Variants in TAAR6 observed in about 807,000 individuals in gnomAD.
TAAR6 encodes the protein trace amine associated receptor 6.
A neutral mutation model predicts 18.4 loss-of-function variants in TAAR6; 15 were observed. That is an observed-to-expected ratio of 0.82 (90% confidence interval 0.55 to 1.26). The LOEUF (loss-of-function observed/expected upper bound fraction) is 1.26, where lower values mean the gene tolerates loss of function less well. TAAR6 is among the 50% of genes most tolerant of loss of function. The pLI, the probability that TAAR6 is intolerant of heterozygous loss-of-function variation, is 0.00. For missense variants in TAAR6, 501 were observed against 415.9 expected, an observed-to-expected ratio of 1.20 and a Z score of -1.78; for synonymous variants, 192 against 162.4, an observed-to-expected ratio of 1.18 and a Z score of -1.39.
rs758020375 is a variant in TAAR6, at chr6:132,570,841, G to T, written c.520G>T (p.Asp174Tyr). The change falls in exon 1 of 1, where the codon GAC becomes TAC. Residue 174 changes from aspartate to tyrosine, a missense_variant. By Grantham distance (160) the Asp-to-Tyr change is radical. Coordinates refer to ENST00000275198, the MANE Select transcript of TAAR6 (RefSeq NM_175067.1). ...SGAVFYTGVY[D>Y]DGLEELSDAL... ...TGCTGTGTTCTACACAGGTGTCTATGACGATGGGCTGGAGGAATTATCTGA... is the reference window on the plus strand; with the variant it reads ...TGCTGTGTTCTACACAGGTGTCTATTACGATGGGCTGGAGGAATTATCTGA... The T allele has an allele frequency of 6.2e-7, 1 of 1,614,174 alleles. No individual in the cohort carries two copies. The highest frequency in any genetic ancestry group is 2.2e-5 in the East Asian group (1 of 44,892).
chr6:132,570,926 A>C lies in TAAR6; in HGVS notation c.605A>C (p.Asp202Ala), dbSNP rs778127557. The C allele has an allele frequency of 6.2e-7, 1 of 1,613,948 alleles. No individual in the cohort carries two copies. Among genetic ancestry groups the C allele is most frequent in the African/African-American group, 1.3e-5 (1 of 74,890 alleles). The change falls in exon 1 of 1, where the codon GAT becomes GCT. Residue 202 changes from aspartate (D) to alanine (A), a missense_variant. Transcript: ENST00000275198. The part of the protein sequence containing the change: ...TVVNQNWVLT[D>A]FLSFFIPTFI... Reference sequence around the variant, plus strand: ...GTAAATCAAAACTGGGTGTTGACAGATTTTCTATCCTTCTTTATACCTACC... The same window carrying C: ...GTAAATCAAAACTGGGTGTTGACAGCTTTTCTATCCTTCTTTATACCTACC...
rs1184834645 is a variant in TAAR6 at position 132,571,097 on chromosome 6, C to T, written c.776C>T (p.Thr259Ile). 6.2e-7 allele frequency: 1 copy of T among 1,613,932 alleles called. No individual in the cohort carries two copies. The highest frequency in any genetic ancestry group is 8.5e-7 in the Non-Finnish European group (1 of 1,179,996). Reference protein sequence around the residue: ...VARRERKAAKTLGVTVVAFMI... With the variant: ...VARRERKAAKILGVTVVAFMI... ...AGGAGAGAGAGAAAAGCAGCTAAAA[C>T]CCTGGGGGTCACAGTGGTAGCATTT... The change falls in exon 1 of 1, where the codon ACC becomes ATC. Residue 259 changes from threonine (T) to isoleucine (I), a missense_variant. By Grantham distance (89) the Thr-to-Ile change is moderately conservative. Transcript: ENST00000275198.
rs200295548 is a variant in TAAR6 at position 132,571,140 on chromosome 6, A to C, written c.819A>C (p.Pro273=). 1.9e-6 allele frequency: 3 copies of C among 1,614,114 alleles called. No individual in the cohort carries two copies. Among genetic ancestry groups the C allele is most frequent in the African/African-American group, 2.7e-5 (2 of 75,058 alleles). ...TAGCATTTATGATTTCATGGTTACC[A>C]TATAGCATTGATTCATTAATTGATG... The part of the protein sequence containing the change: ...TVVAFMISWL[P]YSIDSLIDAF... Residue 273 remains proline, a synonymous_variant, in exon 1 of 1, where the codon CCA becomes CCC. Coordinates refer to ENST00000275198, the MANE Select transcript of TAAR6 (RefSeq NM_175067.1).
rs8192622 is a variant in TAAR6 at position 132,570,399 on chromosome 6, C to T, written c.78C>T (p.Pro26=). Residue 26 remains proline (P), a synonymous_variant, in exon 1 of 1, where the codon CCC becomes CCT. Coordinates refer to ENST00000275198, the MANE Select transcript of TAAR6 (RefSeq NM_175067.1). The stretch of plus-strand genomic sequence containing the variant: ...TGAATGGGTCCTGTGTGAAAATCCC[C>T]TTCTCGCCGGGATCCCGGGTGATTC... The part of the protein sequence containing the change: ...ANVNGSCVKI[P]FSPGSRVILY... 74,945 of 1,614,040 alleles carry T rather than the reference C, an allele frequency of 0.046. 2,001 individuals are homozygous for T. Among genetic ancestry groups the T allele is most frequent in the Non-Finnish European group, 0.053 (62,028 of 1,179,966 alleles).
rs746621875 is a variant in TAAR6 at position 132,570,868 on chromosome 6, G to A, written c.547G>A (p.Ala183Thr). Residue 183 changes from alanine (A) to threonine (T), a missense_variant, in exon 1 of 1, where the codon GCC becomes ACC. Coordinates refer to ENST00000275198, the MANE Select transcript of TAAR6 (RefSeq NM_175067.1). ...YDDGLEELSD[A>T]LNCIGGCQTV... is the part of the protein sequence containing the mutation. ...CGATGGGCTGGAGGAATTATCTGAT[G>A]CCCTAAACTGTATAGGAGGTTGTCA... 1.9e-6 allele frequency: 3 copies of A among 1,614,012 alleles called. No homozygotes were observed. Among genetic ancestry groups the A allele is most frequent in the Non-Finnish European group, 2.5e-6 (3 of 1,179,996 alleles).
Position 132,570,780 on chromosome 6 carries a change from C to T in TAAR6, c.459C>T (p.Ile153=), listed in dbSNP as rs368130988. The change falls in exon 1 of 1, where the codon ATC becomes ATT. Residue 153 remains isoleucine (I), a synonymous_variant. Transcript: ENST00000275198. The part of the protein sequence containing the change: ...KFTVSVSGIC[I]SVSWILPLMY... The stretch of plus-strand genomic sequence containing the variant: ...CCGTATCTGTGTCAGGAATTTGCAT[C>T]AGCGTGTCCTGGATCCTGCCCCTCA... 18 of 1,614,038 alleles carry T rather than the reference C, an allele frequency of 1.1e-5. No homozygotes were observed. Among genetic ancestry groups the T allele is most frequent in the Non-Finnish European group, 1.5e-5 (18 of 1,180,004 alleles).
rs754781633 is a variant in TAAR6, at chr6:132,570,697, A to C, written c.376A>C (p.Ile126Leu). The C allele has an allele frequency of 1.2e-5, 20 of 1,613,802 alleles. No individual in the cohort carries two copies. The highest frequency in any genetic ancestry group is 1.7e-5 in the Non-Finnish European group (20 of 1,179,976). The change falls in exon 1 of 1, where the codon ATC (isoleucine) becomes CTC (leucine). Residue 126 changes from isoleucine (I) to leucine (L), a missense_variant. Ile to Leu is a conservative substitution (Grantham distance 5). Coordinates refer to ENST00000275198, the MANE Select transcript of TAAR6 (RefSeq NM_175067.1). ...CYSSLFHLCF[I>L]SIDRYIAVTD... is the part of the protein sequence containing the mutation. Reference sequence around the variant, plus strand: ...CTCTTCTCTCTTTCACTTGTGCTTCATCTCCATCGACAGGTACATTGCGGT... The same window carrying C: ...CTCTTCTCTCTTTCACTTGTGCTTCCTCTCCATCGACAGGTACATTGCGGT...
At position 132,570,912 on chromosome 6, in the gene TAAR6, C is replaced by T. The variant is rs1562180960; in HGVS notation, c.591C>T (p.Asn197=). 6.2e-7 allele frequency: 1 copy of T among 1,614,126 alleles called. No individual in the cohort carries two copies. The highest frequency in any genetic ancestry group is 1.3e-5 in the African/African-American group (1 of 75,032). ...IGGCQTVVNQ[N]WVLTDFLSFF... ...GTTGTCAGACCGTTGTAAATCAAAACTGGGTGTTGACAGATTTTCTATCCT... is the reference window on the plus strand; with the variant it reads ...GTTGTCAGACCGTTGTAAATCAAAATTGGGTGTTGACAGATTTTCTATCCT... The change falls in exon 1 of 1, where the codon AAC becomes AAT. Residue 197 remains asparagine, a synonymous_variant. Transcript: ENST00000275198.
rs369166491 is a variant in TAAR6, at chr6:132,570,357, G to T, written c.36G>T (p.Gln12His). The T allele has an allele frequency of 1.2e-6, 2 of 1,613,172 alleles. No individual in the cohort carries two copies. Among genetic ancestry groups the T allele is most frequent in the Middle Eastern group, 1.7e-4 (1 of 6,056 alleles). Residue 12 changes from glutamine (Q) to histidine (H), a missense_variant, in exon 1 of 1, where the codon CAG becomes CAT. Transcript: ENST00000275198. Reference protein sequence around the residue: ...SSNSSLLVAVQLCYANVNGSC... With the variant: ...SSNSSLLVAVHLCYANVNGSC... ...ATTCATCCCTGCTGGTGGCTGTGCA[G>T]CTGTGCTACGCGAACGTGAATGGGT...
chr6:132,571,134 G>T lies in TAAR6; in HGVS notation c.813G>T (p.Trp271Cys), dbSNP rs1776640031. The T allele has an allele frequency of 6.2e-7, 1 of 1,614,030 alleles. No homozygotes were observed. Residue 271 changes from tryptophan to cysteine, a missense_variant, in exon 1 of 1, where the codon TGG becomes TGT. Coordinates refer to ENST00000275198, the MANE Select transcript of TAAR6 (RefSeq NM_175067.1). ...GVTVVAFMIS[W>C]LPYSIDSLID... ...CAGTGGTAGCATTTATGATTTCATG[G>T]TTACCATATAGCATTGATTCATTAA...
rs775838139 is a variant in TAAR6, at chr6:132,570,886, G to A, written c.565G>A (p.Gly189Ser). Residue 189 changes from glycine (G) to serine (S), a missense_variant, in exon 1 of 1, where the codon GGT becomes AGT. Physicochemically the swap from Gly to Ser is moderately conservative, Grantham distance 56. Coordinates refer to ENST00000275198, the MANE Select transcript of TAAR6 (RefSeq NM_175067.1). ...ELSDALNCIG[G>S]CQTVVNQNWV... The stretch of plus-strand genomic sequence containing the variant: ...ATCTGATGCCCTAAACTGTATAGGA[G>A]GTTGTCAGACCGTTGTAAATCAAAA... 3.7e-6 allele frequency: 6 copies of A among 1,614,110 alleles called. No individual in the cohort carries two copies. Among genetic ancestry groups the A allele is most frequent in the South Asian group, 2.2e-5 (2 of 91,070 alleles).
chr6:132,571,071 C>T lies in TAAR6; in HGVS notation c.750C>T (p.Ala250=). ...SSSESYKARV[A]RRERKAAKTL... is the part of the protein sequence containing the mutation. ...CAGAGAGTTACAAAGCCAGAGTGGCCAGGAGAGAGAGAAAAGCAGCTAAAA... is the reference window on the plus strand; with the variant it reads ...CAGAGAGTTACAAAGCCAGAGTGGCTAGGAGAGAGAGAAAAGCAGCTAAAA... Residue 250 remains alanine, a synonymous_variant, in exon 1 of 1, where the codon GCC becomes GCT. Coordinates refer to ENST00000275198, the MANE Select transcript of TAAR6 (RefSeq NM_175067.1). 1.2e-6 allele frequency: 2 copies of T among 1,613,962 alleles called. No individual in the cohort carries two copies. Among genetic ancestry groups the T allele is most frequent in the Non-Finnish European group, 1.7e-6 (2 of 1,179,978 alleles).
rs778609926 is a variant in TAAR6, at chr6:132,571,184, C to A, written c.863C>A (p.Thr288Asn). ...SLIDAFMGFI[T>N]PACIYEICCW... ...ATTGATGCCTTTATGGGCTTTATAA[C>A]CCCTGCCTGTATTTATGAGATTTGC... The change falls in exon 1 of 1, where the codon ACC becomes AAC. Residue 288 changes from threonine (T) to asparagine (N), a missense_variant. Thr to Asn is a moderately conservative substitution (Grantham distance 65). Transcript: ENST00000275198. 4 of 1,613,972 alleles carry A rather than the reference C, an allele frequency of 2.5e-6. No homozygotes were observed. Among genetic ancestry groups the A allele is most frequent in the Non-Finnish European group, 3.4e-6 (4 of 1,179,950 alleles).
rs759383711 is a variant in TAAR6 at position 132,570,338 on chromosome 6, C to A, written c.17C>A (p.Ser6Tyr). ...AACAGCGTTATGAGCAGCAATTCAT[C>A]CCTGCTGGTGGCTGTGCAGCTGTGC... MSSNS[S>Y]LLVAVQLCYA... Residue 6 changes from serine to tyrosine, a missense_variant, in exon 1 of 1, where the codon TCC becomes TAC. By Grantham distance (144) the Ser-to-Tyr change is moderately radical. Transcript: ENST00000275198. The A allele has an allele frequency of 9.3e-6, 15 of 1,608,592 alleles. No individual in the cohort carries two copies.
rs753892369 is a variant in TAAR6 at position 132,570,826 on chromosome 6, T to C, written c.505T>C (p.Tyr169His). 6.2e-7 allele frequency: 1 copy of C among 1,614,192 alleles called. No individual in the cohort carries two copies. Among genetic ancestry groups the C allele is most frequent in the South Asian group, 1.1e-5 (1 of 91,078 alleles). ...LPLMYSGAVF[Y>H]TGVYDDGLEE... is the part of the protein sequence containing the mutation. Reference sequence around the variant, plus strand: ...CCTCATGTACAGCGGTGCTGTGTTCTACACAGGTGTCTATGACGATGGGCT... The same window carrying C: ...CCTCATGTACAGCGGTGCTGTGTTCCACACAGGTGTCTATGACGATGGGCT... The change falls in exon 1 of 1, where the codon TAC (tyrosine) becomes CAC (histidine). Residue 169 changes from tyrosine to histidine, a missense_variant. Transcript: ENST00000275198.
chr6:132,570,668 G>C lies in TAAR6; in HGVS notation c.347G>C (p.Cys116Ser). 6 of 1,614,076 alleles carry C rather than the reference G, an allele frequency of 3.7e-6. No individual in the cohort carries two copies. The highest frequency in any genetic ancestry group is 5.1e-6 in the Non-Finnish European group (6 of 1,179,988). ...CACACCTGCTGTGATGTGGCATTTT[G>C]TTACTCTTCTCTCTTTCACTTGTGC... is the stretch of plus-strand genomic sequence containing the variant. Reference protein sequence around the residue: ...TFHTCCDVAFCYSSLFHLCFI... With the variant: ...TFHTCCDVAFSYSSLFHLCFI... The change falls in exon 1 of 1, where the codon TGT becomes TCT. Residue 116 changes from cysteine to serine, a missense_variant. Physicochemically the swap from Cys to Ser is moderately radical, Grantham distance 112 (BLOSUM62 -1). Transcript: ENST00000275198.
In TAAR6 at chr6:132,570,630, T is replaced by G; in HGVS notation, c.309T>G (p.Ser103Arg). 1 of 1,613,480 alleles carries G rather than the reference T, an allele frequency of 6.2e-7. No individual in the cohort carries two copies. The highest frequency in any genetic ancestry group is 8.5e-7 in the Non-Finnish European group (1 of 1,179,856). Reference sequence around the variant, plus strand: ...AGAGCTGCTGGTATTTTGGGAGGAGTTTTTGTACTTTCCACACCTGCTGTG... The same window carrying G: ...AGAGCTGCTGGTATTTTGGGAGGAGGTTTTGTACTTTCCACACCTGCTGTG... ...TVESCWYFGR[S>R]FCTFHTCCDV... Residue 103 changes from serine to arginine, a missense_variant, in exon 1 of 1, where the codon AGT becomes AGG. Physicochemically the swap from Ser to Arg is moderately radical, Grantham distance 110 (BLOSUM62 -1). Transcript: ENST00000275198.
rs374779651 is a variant in TAAR6, at chr6:132,570,897, C to A, written c.576C>A (p.Thr192=). 3.2e-5 allele frequency: 52 copies of A among 1,613,990 alleles called. No individual in the cohort carries two copies. The highest frequency in any genetic ancestry group is 3.9e-5 in the Non-Finnish European group (46 of 1,180,008). ...DALNCIGGCQ[T]VVNQNWVLTD... ...TAAACTGTATAGGAGGTTGTCAGAC[C>A]GTTGTAAATCAAAACTGGGTGTTGA... The change falls in exon 1 of 1, where the codon ACC becomes ACA. Residue 192 remains threonine (T), a synonymous_variant. Coordinates refer to ENST00000275198, the MANE Select transcript of TAAR6 (RefSeq NM_175067.1).
Position 132,570,731 on chromosome 6 carries a change from C to A in TAAR6, c.410C>A (p.Pro137His). 1 of 1,614,074 alleles carries A rather than the reference C, an allele frequency of 6.2e-7. No homozygotes were observed. The change falls in exon 1 of 1, where the codon CCC (proline) becomes CAC (histidine). Residue 137 changes from proline (P) to histidine (H), a missense_variant. By Grantham distance (77) the Pro-to-His change is moderately conservative (BLOSUM62 -2). Coordinates refer to ENST00000275198, the MANE Select transcript of TAAR6 (RefSeq NM_175067.1). ...GACAGGTACATTGCGGTTACTGACC[C>A]CCTGGTCTATCCTACCAAGTTCACC... ...SIDRYIAVTD[P>H]LVYPTKFTVS... is the part of the protein sequence containing the mutation.
Sources: gnomAD v4.1 joint callset for allele counts on GRCh38, gnomAD v4.1.1 for gene constraint, MANE v1.5 for transcripts, NCBI Gene and HGNC (gene_info 2026-07-23, HGNC 2026-07-21) for gene names.